METTL14: variants seen among roughly 807,000 people sequenced by gnomAD.
METTL14 encodes the protein methyltransferase 14, N6-adenosine-methyltransferase non-catalytic subunit, also known as N(6)-adenosine-methyltransferase non-catalytic subunit METTL14.
In METTL14, 32 loss-of-function variants were observed where a neutral mutation model predicts 62.4. That is an observed-to-expected ratio of 0.51 (90% CI 0.39 to 0.69). The LOEUF (loss-of-function observed/expected upper bound fraction) is 0.69, where lower values mean the gene tolerates loss of function less well. METTL14 is among the 30% of genes least tolerant of loss of function. The pLI, the probability that METTL14 is intolerant of heterozygous loss-of-function variation, is 0.00. For missense variants in METTL14, 340 were observed against 551.9 expected (o/e 0.62, Z 3.85); for synonymous variants, 150 against 180.0 (o/e 0.83, Z 1.34).
intron 8 of METTL14, among the ~76,000 whole-genome samples, chr4:118,703,059 C>T (rs1056554508): frequency 3.3e-5 from 5 of 151,556 alleles, no homozygotes; most frequent in Admixed American, 6.6e-5. Flanking sequence ...TTGCTGCACC[C>T]ATCAACCCGT....
Position 118,688,089 on chromosome 4 carries a change from A to G in METTL14, c.155+78A>G, listed in dbSNP as rs1367713404. 8 of 1,199,462 alleles carry G rather than the reference A, an allele frequency of 6.7e-6. No individual in the cohort carries two copies. In the East Asian group the frequency reaches 1.7e-4, roughly 26 times the overall value. 74.3% of individuals were successfully genotyped at this position (1,199,462 alleles called of 1,614,324 possible). The stretch of plus-strand genomic sequence containing the variant: ...TTGCTTAGGCTGGATAGGCTGGAGT[A>G]CAGTAGCATGATTATGGCTCACTGC... On this transcript the variant is annotated intron_variant, in intron 2 of 10. Coordinates refer to ENST00000388822, the MANE Select transcript of METTL14 (RefSeq NM_020961.4).
intron 3 of METTL14, among the ~76,000 whole-genome samples, chr4:118,690,677 C>CAAAAAAA (rs1046821905): frequency 5.3e-5 from 4 of 74,958 alleles, no homozygotes; most frequent in Non-Finnish European, 7.7e-5. Context: ...GACTCTGTCT[C>CAAAAAAA]AAAAAAAAAA....
chr4:118,712,018 C>G lies in METTL14; in HGVS notation c.*1716C>G, dbSNP rs187945254. The G allele has an allele frequency of 7.2e-5, 11 of 152,126 alleles. No homozygotes were observed. The highest frequency in any genetic ancestry group is 1.7e-4 in the African/African-American group (7 of 41,480). 9.4% of individuals were successfully genotyped at this position (152,126 alleles called of 1,614,324 possible). A position where few individuals can be genotyped will look rare whatever the true frequency, so the allele number is the denominator to read the frequency against. ...AAAGAGGTAGGTATGGCTGCTTTGT[C>G]GGTTGAAAGTTAAGGGGAGCCATGA... On this transcript the variant is annotated 3_prime_UTR_variant, in exon 11 of 11. Coordinates refer to ENST00000388822, the MANE Select transcript of METTL14 (RefSeq NM_020961.4).
intron 7 of METTL14, among the ~76,000 whole-genome samples, 199 bp from the exon 8 acceptor site, chr4:118,700,351 T>C (rs1195870462): frequency 6.6e-6 from 1 of 152,316 alleles, no homozygotes; most frequent in Non-Finnish European, 1.5e-5. Flanking sequence ...CACAGGTGTG[T>C]ATGTTGTTTG....
intron 8 of METTL14, among the ~76,000 whole-genome samples, chr4:118,701,999 G>A (rs541386946): frequency 1.3e-5 from 2 of 152,138 alleles, no homozygotes; most frequent in South Asian, 4.2e-4. Flanking sequence ...AAAAGTAAGA[G>A]CGAAACATAC....
chr4:118,710,028 A>G lies in METTL14; in HGVS notation c.1097A>G (p.Asn366Ser). 6.2e-7 allele frequency: 1 copy of G among 1,612,634 alleles called. No homozygotes were observed. Among genetic ancestry groups the G allele is most frequent in the Non-Finnish European group, 8.5e-7 (1 of 1,179,094 alleles). ...GWLTVGPTLT[N>S]SNYNAETYAS... Reference sequence around the variant, plus strand: ...CTCACAGTTGGACCAACGCTTACAAATAGCAACTACAATGCAGAAACATAT... The same window carrying G: ...CTCACAGTTGGACCAACGCTTACAAGTAGCAACTACAATGCAGAAACATAT... The change falls in exon 11 of 11, where the codon AAT (asparagine) becomes AGT (serine). Residue 366 changes from asparagine (N) to serine (S), a missense_variant. By Grantham distance (46) the Asn-to-Ser change is conservative. Transcript: ENST00000388822.
chr4:118,697,413 C>T (rs1283375753), intron 7 of METTL14, 90 bp downstream of exon 7: 12 of 1,145,458 alleles, frequency 1.0e-5, no homozygotes, highest in Non-Finnish European at 1.4e-5. Flanking sequence ...AAATATCATC[C>T]CTACTTTTGT....
chr4:118,701,718 T>C (rs941946949), intron 8 of METTL14, among the ~76,000 whole-genome samples: 1 of 152,218 alleles, frequency 6.6e-6, no homozygotes, highest in African/African-American at 2.4e-5. Context: ...TACACCAAAC[T>C]ATCTCATTTA....
chr4:118,691,205 C>T (rs149966338), intron 3 of METTL14, among the ~76,000 whole-genome samples: 1 of 152,094 alleles, frequency 6.6e-6, no homozygotes, highest in East Asian at 1.9e-4. Flanking sequence ...ATAGCAGTTT[C>T]ATATTGCAAC....
In METTL14 at chr4:118,689,442, A is replaced by C; in HGVS notation, c.228A>C (p.Lys76Asn). Residue 76 changes from lysine (K) to asparagine (N), a missense_variant, in exon 3 of 11, where the codon AAA becomes AAC. By Grantham distance (94) the Lys-to-Asn change is moderately conservative. Around this residue, in one of 7 missense-constraint regions of METTL14, gnomAD observed 111 missense variants for 116.6 expected, o/e 0.95. Transcript: ENST00000388822. ...ATGAAGGAGAGACAGATGAAGACAA[A>C]ATGGAAGAATATAAGGCAAGTAGAG... Reference protein sequence around the residue: ...YLDEGETDEDKMEEYKDELEM... With the variant: ...YLDEGETDEDNMEEYKDELEM... The C allele has an allele frequency of 6.3e-7, 1 of 1,591,396 alleles. No individual in the cohort carries two copies. The highest frequency in any genetic ancestry group is 2.2e-5 in the East Asian group (1 of 44,450).
intron 10 of METTL14, 111 bp from the exon 11 acceptor site, chr4:118,709,887 T>G (rs1724866177): frequency 4.8e-6 from 5 of 1,039,306 alleles, no homozygotes; most frequent in Non-Finnish European, 7.0e-6. Flanking sequence ...CAGTATTGGA[T>G]GAATGATGGG....
At chr4:118,705,508 C>T (rs775463561) in intron 9 of METTL14, 103 bp from the exon 10 acceptor site, 45 of 950,416 alleles carry the variant, frequency 4.7e-5, no homozygotes, top group South Asian at 1.6e-4. Flanking sequence ...CCAAAGATTC[C>T]GAGAAATGAG....
intron 8 of METTL14, among the ~76,000 whole-genome samples, chr4:118,702,865 CTTT>C (rs923579198): frequency 1.4e-5 from 2 of 139,140 alleles, no homozygotes; most frequent in Non-Finnish European, 1.6e-5. Context: ...TATACTCTAT[CTTT>C]TTTTTTTTTT....
At position 118,712,191 on chromosome 4, in the gene METTL14, C is replaced by T. The variant is rs1724940508; in HGVS notation, c.*1889C>T. 6.6e-6 allele frequency: 1 copy of T among 152,162 alleles called. No homozygotes were observed. Among genetic ancestry groups the T allele is most frequent in the Non-Finnish European group, 1.5e-5 (1 of 68,034 alleles). 9.4% of individuals were successfully genotyped at this position (152,162 alleles called of 1,614,324 possible). A position where few individuals can be genotyped will look rare whatever the true frequency, so the allele number is the denominator to read the frequency against. ...ACTAGTTTTTGCTAACTTTCACTTT[C>T]AGTAAAGGTTGAGGTGTTGTTTTTG... On this transcript the variant is annotated 3_prime_UTR_variant, in exon 11 of 11. Transcript: ENST00000388822.
rs1003335907 is a variant in METTL14, at chr4:118,715,267, G to A, written c.*4965G>A. 8 of 152,122 alleles carry A rather than the reference G, an allele frequency of 5.3e-5. No individual in the cohort carries two copies. Among genetic ancestry groups the A allele is most frequent in the African/African-American group, 1.7e-4 (7 of 41,404 alleles). The allele number at this position is 152,122 out of a possible 1,614,324, so 9.4% of individuals were successfully genotyped here. On this transcript the variant is annotated 3_prime_UTR_variant, in exon 11 of 11. Coordinates refer to ENST00000388822, the MANE Select transcript of METTL14 (RefSeq NM_020961.4). ...TGTTTATTTTGTTGTTTTTGAAAGTGGACAAAACCTCAAAGCACAATTTTG... is the reference window on the plus strand; with the variant it reads ...TGTTTATTTTGTTGTTTTTGAAAGTAGACAAAACCTCAAAGCACAATTTTG...
intron 1 of METTL14, chr4:118,686,831 G>A (rs1006692000): frequency 2.4e-5 from 7 of 292,496 alleles, no homozygotes; most frequent in Admixed American, 1.4e-4. Flanking sequence ...AGATGCCAGG[G>A]GCTCTACCTT....
chr4:118,698,049 T>G (rs2110403695), intron 7 of METTL14, among the ~76,000 whole-genome samples: 1 of 152,104 alleles, frequency 6.6e-6, no homozygotes, highest in Admixed American at 6.5e-5. Context: ...AGGTGATGTG[T>G]TAGGAGTTGG....
At chr4:118,698,447 T>G (rs1724487141) in intron 7 of METTL14, among the ~76,000 whole-genome samples, 2 of 115,984 alleles carry the variant, frequency 1.7e-5, no homozygotes, top group South Asian at 5.5e-4. Flanking sequence ...AGCAAGACTC[T>G]GTCTCAAAAA....
At chr4:118,702,419 C>T (rs1304675548) in intron 8 of METTL14, among the ~76,000 whole-genome samples, 5 of 152,102 alleles carry the variant, frequency 3.3e-5, no homozygotes, top group African/African-American at 1.2e-4. Flanking sequence ...ATGTTAATGA[C>T]ACCTGGTGCA....
Sources: allele counts gnomAD v4.1 joint callset (sites outside exome capture counted in the v4.1 genomes callset), GRCh38; gene constraint gnomAD v4.1.1; regional missense constraint gnomAD v4.1.1; transcripts MANE v1.5; gene names NCBI Gene and HGNC (gene_info 2026-07-23, HGNC 2026-07-21).